Variants in ZNF248 observed in about 807,000 individuals in gnomAD.
ZNF248 encodes the protein KRAB protein domain.
ZNF248 carries 20 observed loss-of-function variants against 44.3 expected under a neutral mutation model. The observed-to-expected ratio is 0.45, with a 90% confidence interval of 0.32 to 0.66. The LOEUF is 0.66. Ranked by LOEUF, ZNF248 falls within the 30% of genes least tolerant of loss-of-function variation. ZNF248 has a pLI of 0.04. For missense variants in ZNF248, 654 were observed against 677.0 expected (o/e 0.97, Z 0.38); for synonymous variants, 224 against 229.0 (o/e 0.98, Z 0.20).
chr10:37,816,972 C>G (rs1294270140), intron 6 of ZNF248, among the ~76,000 whole-genome samples: 1 of 152,040 alleles, frequency 6.6e-6, no homozygotes, highest in Non-Finnish European at 1.5e-5. Context: ...GACACCATGC[C>G]TGAGATAGAG....
At chr10:37,852,549 T>C (rs1348526325) in intron 3 of ZNF248, among the ~76,000 whole-genome samples, 2 of 151,236 alleles carry the variant, frequency 1.3e-5, no homozygotes, top group African/African-American at 4.9e-5. Flanking sequence ...GAGATCTTCA[T>C]GGTAATTCAG....
At chr10:37,802,587 A>C (rs1040393966) in intron 6 of ZNF248, among the ~76,000 whole-genome samples, 4 of 152,212 alleles carry the variant, frequency 2.6e-5, no homozygotes, top group Non-Finnish European at 4.4e-5. Flanking sequence ...AATACAGAAA[A>C]GAAAAACTGC....
At chr10:37,782,778 AAGC>A (rs961079894) in intron 6 of ZNF248, among the ~76,000 whole-genome samples, 2 of 152,150 alleles carry the variant, frequency 1.3e-5, no homozygotes, top group Non-Finnish European at 2.9e-5. Context: ...CAACAACCAG[AAGC>A]TAGGAAGAGG....
intron 6 of ZNF248, among the ~76,000 whole-genome samples, chr10:37,788,063 G>A (rs1310582519): frequency 6.6e-6 from 1 of 151,568 alleles, no homozygotes; most frequent in African/African-American, 2.4e-5. Flanking sequence ...GAGGTCAGGA[G>A]TTCAAGACCA....
At chr10:37,793,672 T>C (rs2048818710) in intron 6 of ZNF248, among the ~76,000 whole-genome samples, 1 of 152,228 alleles carries the variant, frequency 6.6e-6, no homozygotes, top group Non-Finnish European at 1.5e-5. Context: ...ATGTGCATAA[T>C]TCCTGTGATG....
At chr10:37,810,647 G>A (rs1175275559) in intron 6 of ZNF248, among the ~76,000 whole-genome samples, 1 of 152,050 alleles carries the variant, frequency 6.6e-6, no homozygotes, top group Non-Finnish European at 1.5e-5. Flanking sequence ...AAAGAGGTAT[G>A]AAATAAATGT....
Position 37,830,014 on chromosome 10 carries a change from G to T in ZNF248, c.*1601C>A. 1.0e-6 allele frequency: 1 copy of T among 985,414 alleles called. No homozygotes were observed. Among genetic ancestry groups the T allele is most frequent in the Non-Finnish European group, 1.2e-6 (1 of 829,942 alleles). 61.0% of individuals were successfully genotyped at this position (985,414 alleles called of 1,614,324 possible). A position where few individuals can be genotyped will look rare whatever the true frequency, so the allele number is the denominator to read the frequency against. The stretch of plus-strand genomic sequence containing the variant: ...GTCTCTTAGAACTGCTGACCAATGT[G>T]TTCCAAGGGGGCAAAAGAAACAACA... On this transcript the variant is annotated 3_prime_UTR_variant, in exon 6 of 6. Transcript: ENST00000395867.
chr10:37,840,920 G>C (rs1003989372), intron 3 of ZNF248, among the ~76,000 whole-genome samples: 3 of 152,180 alleles, frequency 2.0e-5, no homozygotes, highest in Non-Finnish European at 4.4e-5. Flanking sequence ...ACAATAGTGG[G>C]CTATGTCAAA....
intron 6 of ZNF248, among the ~76,000 whole-genome samples, chr10:37,822,858 GCCACAGGTTAGACAAGC>G (rs2053700905): frequency 6.6e-6 from 1 of 152,140 alleles, no homozygotes; most frequent in South Asian, 2.1e-4. Context: ...CAGCCCATGG[GCCACAGGTTAGACAAGC>G]CTGATCAAGA....
chr10:37,831,301 CTTCAGA>C lies in ZNF248; in HGVS notation c.*308_*313del. On this transcript the variant is annotated 3_prime_UTR_variant, in exon 6 of 6. Coordinates refer to ENST00000395867, the MANE Select transcript of ZNF248 (RefSeq NM_021045.3). Reference sequence around the variant, plus strand: ...GCTGCTGTCATTCAACTTTTATAAGCTTCAGATTCCACTGTGAATATGGGTATAAAT... The same window carrying C: ...GCTGCTGTCATTCAACTTTTATAAGCTTCCACTGTGAATATGGGTATAAAT... 6.5e-7 allele frequency: 1 copy of C among 1,549,588 alleles called. No individual in the cohort carries two copies. Among genetic ancestry groups the C allele is most frequent in the East Asian group, 2.5e-5 (1 of 40,788 alleles).
intron 3 of ZNF248, among the ~76,000 whole-genome samples, chr10:37,838,742 GA>G (rs201224059): frequency 1.4e-5 from 2 of 140,872 alleles, no homozygotes; most frequent in South Asian, 2.2e-4. Context: ...TAGGGACAAT[GA>G]AAAAAAAGAA....
chr10:37,763,615 T>C, the ZNF248 span, among the ~76,000 whole-genome samples: 2 of 152,210 alleles, frequency 1.3e-5, no homozygotes, highest in Non-Finnish European at 2.9e-5. Context: ...ATAATGGTTA[T>C]TAAAGTAAGG....
At chr10:37,804,329 T>C (rs1165025759) in intron 6 of ZNF248, among the ~76,000 whole-genome samples, 1 of 152,082 alleles carries the variant, frequency 6.6e-6, no homozygotes, top group Non-Finnish European at 1.5e-5. Context: ...ACTTTTTCAA[T>C]CTTGTAACTA....
rs2058099218 is a variant in ZNF248 at position 37,840,277 on chromosome 10, T to C, written c.16-2166A>G. ...ACTGAGAAAAAATATTTGCAAACAC[T>C]TACCTAAAAAGGTGTTAGAAGCAGA... On this transcript the variant is annotated intron_variant, in intron 3 of 5. Transcript: ENST00000395867. Among the ~76,000 whole-genome samples, 5 of 152,088 alleles carry C rather than the reference T, an allele frequency of 3.3e-5. No homozygotes were observed. The South Asian group carries it at 1.0e-3, about 32-fold the overall frequency.
chr10:37,777,478 A>G (rs1403031125), intron 6 of ZNF248, among the ~76,000 whole-genome samples: 1 of 150,868 alleles, frequency 6.6e-6, no homozygotes, highest in Non-Finnish European at 1.5e-5. Context: ...CAGAATCGCA[A>G]TTCCTAAAAC....
intron 3 of ZNF248, among the ~76,000 whole-genome samples, chr10:37,847,421 G>C (rs1168098387): frequency 6.6e-6 from 1 of 152,132 alleles, no homozygotes; most frequent in African/African-American, 2.4e-5. Context: ...ACGGATTTAG[G>C]TAACAGTGTG....
At chr10:37,766,174 T>G in the ZNF248 span, among the ~76,000 whole-genome samples, 1 of 152,252 alleles carries the variant, frequency 6.6e-6, no homozygotes, top group East Asian at 1.9e-4. Context: ...AGGCTCCACC[T>G]GTGGGGGCAG....
At chr10:37,822,330 A>G (rs1299750046) in intron 6 of ZNF248, among the ~76,000 whole-genome samples, 1 of 152,202 alleles carries the variant, frequency 6.6e-6, no homozygotes, top group Non-Finnish European at 1.5e-5. Flanking sequence ...AACGAGAACA[A>G]CAATTAAAGT....
At position 37,831,798 on chromosome 10, in the gene ZNF248, T is replaced by C. The variant is rs1339108586; in HGVS notation, c.1557A>G (p.Pro519=). ...TTTTCCCACATTCATTACACTTATA[T>C]GGTTTCTCCCCAGTGTGAGTTCTTT... is the stretch of plus-strand genomic sequence containing the variant. The part of the protein sequence containing the change: ...VHQRTHTGEK[P]YKCNECGKTF... Residue 519 remains proline (P), a synonymous_variant, in exon 6 of 6, where the codon CCA becomes CCG. Transcript: ENST00000395867. 1 of 1,612,930 alleles carries C rather than the reference T, an allele frequency of 6.2e-7. No individual in the cohort carries two copies. Among genetic ancestry groups the C allele is most frequent in the East Asian group, 2.2e-5 (1 of 44,828 alleles).
Sources: gnomAD v4.1 joint callset for allele counts (sites outside exome capture counted in the v4.1 genomes callset) on GRCh38, gnomAD v4.1.1 for gene constraint, MANE v1.5 for transcripts, NCBI Gene and HGNC (gene_info 2026-07-23, HGNC 2026-07-21) for gene names.